PDGFRL: variants seen among roughly 807,000 people sequenced by gnomAD.
The protein encoded by PDGFRL is platelet-derived growth factor receptor-like protein.
A neutral mutation model predicts 37.2 loss-of-function variants in PDGFRL; 46 were observed. The observed-to-expected ratio is 1.24, with a 90% CI of 0.98 to 1.58. The LOEUF (loss-of-function observed/expected upper bound fraction) is 1.58. Among genes scored for constraint, PDGFRL ranks in the 40% most tolerant of loss-of-function variants. The probability of loss-of-function intolerance (pLI) is 0.00; values close to 1 mark genes in which losing one functional copy is unlikely to be tolerated. For synonymous variants in PDGFRL, 251 were observed against 184.3 expected, an observed-to-expected ratio of 1.36 and a Z score of -2.93; for missense variants, 692 against 467.6, an observed-to-expected ratio of 1.48 and a Z score of -4.43.
chr8:17,578,409 G>C, intron 1 of PDGFRL, among the ~76,000 whole-genome samples: 1 of 152,306 alleles, frequency 6.6e-6, no homozygotes, highest in East Asian at 1.9e-4. Flanking sequence ...CGTGGTACTT[G>C]AAGTTGAGCA....
At chr8:17,638,788 A>AT (rs1563532574) in intron 5 of PDGFRL, among the ~76,000 whole-genome samples, 32 of 71,528 alleles carry the variant, frequency 4.5e-4, no homozygotes, top group Non-Finnish European at 8.1e-4. Context: ...TATATATATA[A>AT]TTGTGATATT....
At chr8:17,605,054 C>T (rs937041671) in intron 2 of PDGFRL, among the ~76,000 whole-genome samples, 2 of 152,036 alleles carry the variant, frequency 1.3e-5, no homozygotes, top group Non-Finnish European at 2.9e-5. Flanking sequence ...GAGGTGGAGG[C>T]TGCAGTGAGC....
chr8:17,618,627 C>T (rs1043872264), intron 2 of PDGFRL, among the ~76,000 whole-genome samples: 6 of 152,192 alleles, frequency 3.9e-5, no homozygotes, highest in Non-Finnish European at 5.9e-5. Context: ...TTTCTGCTGT[C>T]TGAGACTCAG....
At chr8:17,602,482 GA>G (rs1804186403) in intron 2 of PDGFRL, among the ~76,000 whole-genome samples, 1 of 152,146 alleles carries the variant, frequency 6.6e-6, no homozygotes, top group African/African-American at 2.4e-5. Flanking sequence ...AGTAATCATC[GA>G]ATTTTTTTTT....
At chr8:17,621,295 T>C (rs954154518) in intron 3 of PDGFRL, 93 bp downstream of exon 3, 3 of 775,458 alleles carry the variant, frequency 3.9e-6, no homozygotes, top group Admixed American at 2.6e-5. Context: ...TAGCAAATAA[T>C]GACAATCAGA....
rs77648800 is a variant in PDGFRL at position 17,622,579 on chromosome 8, T to C, written c.505+1377T>C. 4.7e-4 allele frequency among the ~76,000 whole-genome samples: 71 copies of C among 152,312 alleles called. No homozygotes were observed. The East Asian group carries it at 0.01, about 22-fold the overall frequency. On this transcript the variant is annotated intron_variant, in intron 3 of 5. Transcript: ENST00000251630. ...GGTATGCTGCAGTTCTGGAAGCACA[T>C]GTATCTCATTTTGATGCAGACTTTT...
At chr8:17,638,776 T>TAA (rs1290758641) in intron 5 of PDGFRL, among the ~76,000 whole-genome samples, 26 of 106,024 alleles carry the variant, frequency 2.5e-4, no homozygotes, top group South Asian at 2.4e-3. Context: ...TATATATATA[T>TAA]ATATATATAT....
chr8:17,626,109 G>C (rs965882438), intron 3 of PDGFRL, among the ~76,000 whole-genome samples: 21 of 152,340 alleles, frequency 1.4e-4, no homozygotes, highest in African/African-American at 4.8e-4. Context: ...TAAAACAAAA[G>C]TTGCCTCTAA....
At chr8:17,613,543 G>T (rs1444795294) in intron 2 of PDGFRL, among the ~76,000 whole-genome samples, 1 of 152,140 alleles carries the variant, frequency 6.6e-6, no homozygotes, top group African/African-American at 2.4e-5. Flanking sequence ...GCAGTCTCCC[G>T]TGAAGTAGTG....
intron 4 of PDGFRL, among the ~76,000 whole-genome samples, chr8:17,629,580 C>G (rs1276846643): frequency 6.6e-6 from 1 of 152,184 alleles, no homozygotes. Flanking sequence ...CCAGCATTCT[C>G]ATTTCCTTTC....
At chr8:17,638,686 C>G (rs1463676597) in intron 5 of PDGFRL, among the ~76,000 whole-genome samples, 1 of 134,302 alleles carries the variant, frequency 7.4e-6, no homozygotes, top group Non-Finnish European at 1.5e-5. Context: ...TATCTCATTT[C>G]TTAGGTGTAA....
Position 17,642,486 on chromosome 8 carries a change from A to T in PDGFRL, c.940-127A>T. 3 of 669,180 alleles carry T rather than the reference A, an allele frequency of 4.5e-6. No homozygotes were observed. In the East Asian group the frequency reaches 8.1e-5, roughly 18 times the overall value. The allele number at this position is 669,180 out of a possible 1,614,324, so 41.5% of individuals were successfully genotyped here. A position where few individuals can be genotyped will look rare whatever the true frequency, so the allele number is the denominator to read the frequency against. On this transcript the variant is annotated intron_variant, in intron 5 of 5. Transcript: ENST00000251630. ...CTTCCACAGCTTATGAGCTACGCATACTAAACAGTCTTTTATAAGCATGTG... is the reference window on the plus strand; with the variant it reads ...CTTCCACAGCTTATGAGCTACGCATTCTAAACAGTCTTTTATAAGCATGTG...
chr8:17,601,934 T>A (rs1804174138), intron 2 of PDGFRL, among the ~76,000 whole-genome samples: 1 of 152,206 alleles, frequency 6.6e-6, no homozygotes, highest in African/African-American at 2.4e-5. Context: ...AACATAGGAA[T>A]TCTTGTGCCT....
intron 2 of PDGFRL, among the ~76,000 whole-genome samples, chr8:17,606,290 T>C (rs865810017): frequency 6.6e-6 from 1 of 152,222 alleles, no homozygotes; most frequent in African/African-American, 2.4e-5. Context: ...TTCATATCAT[T>C]ATGTGAGTGT....
At chr8:17,606,175 T>G (rs2517190) in intron 2 of PDGFRL, among the ~76,000 whole-genome samples, 150,968 of 152,314 alleles carry the variant, frequency 0.99, 74,830 homozygotes, top group Middle Eastern at 1. Flanking sequence ...TTATGCTGAG[T>G]AAGGTATTTT....
chr8:17,623,461 T>C (rs1309382819), intron 3 of PDGFRL, among the ~76,000 whole-genome samples: 1 of 152,234 alleles, frequency 6.6e-6, no homozygotes, highest in Non-Finnish European at 1.5e-5. Flanking sequence ...CAATGACTGA[T>C]TCCACATTTC....
intron 1 of PDGFRL, among the ~76,000 whole-genome samples, chr8:17,585,493 C>T (rs944183304): frequency 1.3e-5 from 2 of 152,154 alleles, no homozygotes; most frequent in Non-Finnish European, 2.9e-5. Context: ...CCCACCTTCT[C>T]AGCTTTGTTC....
chr8:17,616,573 A>G (rs562970310), intron 2 of PDGFRL, among the ~76,000 whole-genome samples: 7 of 152,192 alleles, frequency 4.6e-5, no homozygotes, highest in Non-Finnish European at 8.8e-5. Flanking sequence ...TTCTGCACAA[A>G]CTTGCCTTTT....
chr8:17,587,845 G>A (rs1000507858), intron 1 of PDGFRL, among the ~76,000 whole-genome samples: 2 of 152,104 alleles, frequency 1.3e-5, no homozygotes, highest in African/African-American at 4.8e-5. Flanking sequence ...GCCCAGGCTG[G>A]TCTCAAACTT....
Sources: gnomAD v4.1 joint callset for allele counts (sites outside exome capture counted in the v4.1 genomes callset) on GRCh38, gnomAD v4.1.1 for gene constraint, MANE v1.5 for transcripts, NCBI Gene and HGNC (gene_info 2026-07-23, HGNC 2026-07-21) for gene names.